UNC79: variants seen among roughly 807,000 people sequenced by gnomAD.
UNC79 encodes protein unc-79 homolog.
A neutral mutation model predicts 283.1 loss-of-function variants in UNC79; 37 were observed. The ratio of observed to expected loss-of-function variants is 0.13; its 90% CI spans 0.10 to 0.17. The LOEUF (loss-of-function observed/expected upper bound fraction) is 0.17. Among genes scored for constraint, UNC79 ranks in the 10% least tolerant of loss-of-function variants. The probability of loss-of-function intolerance (pLI) is 1.00; values close to 1 mark genes in which losing one functional copy is unlikely to be tolerated. For missense variants in UNC79, 2,272 were observed against 3,211.1 expected (o/e 0.71, Z 7.07); for synonymous variants, 1,107 against 1,200.2 (o/e 0.92, Z 1.61).
intron 47 of UNC79, among the ~76,000 whole-genome samples, chr14:93,698,596 G>A (rs775774170): frequency 4.3e-5 from 6 of 140,848 alleles, no homozygotes; most frequent in African/African-American, 1.0e-4. Flanking sequence ...AGCAATTCTC[G>A]TGCTTTAGTC....
intron 47 of UNC79, among the ~76,000 whole-genome samples, chr14:93,701,249 A>G (rs2075508446): frequency 6.6e-6 from 1 of 152,168 alleles, no homozygotes; most frequent in Admixed American, 6.5e-5. Context: ...GATGCTCAAT[A>G]CCTGAAAAAC....
Position 93,404,493 on chromosome 14 carries a change from A to AAAAAAAAAATATATATATAT in UNC79, c.-350-63177_-350-63176insAAAAAAAATATATATATATA. On this transcript the variant is annotated intron_variant, in intron 1 of 49. Transcript: ENST00000256339. ...TGACAGAGTGAGACCTTCTAAAAAA[A>AAAAAAAAAATATATATATAT]ATATATATATATATATATATAAATA... Among the ~76,000 whole-genome samples the AAAAAAAAAATATATATATAT allele has an allele frequency of 4.9e-4, 30 of 61,482 alleles. 1 individual carries two copies. The highest frequency in any genetic ancestry group is 4.4e-3 in the East Asian group (16 of 3,600). 40.3% of individuals were successfully genotyped at this position (61,482 alleles called of 152,430 possible).
chr14:93,641,176 A>G (rs776999617), exon 33 of UNC79: 2 of 1,613,494 alleles, frequency 1.2e-6, no homozygotes, highest in African/African-American at 1.3e-5. Context: ...TATCAGCACC[A>G]AGCATAGTCA....
chr14:93,522,391 A>G (rs1261201210), intron 7 of UNC79, among the ~76,000 whole-genome samples: 2 of 152,058 alleles, frequency 1.3e-5, no homozygotes, highest in Non-Finnish European at 2.9e-5. Flanking sequence ...CACAGTGATA[A>G]GAAGGATCCT....
At chr14:93,625,465 C>T (rs183249844) in intron 30 of UNC79, among the ~76,000 whole-genome samples, 1 of 152,264 alleles carries the variant, frequency 6.6e-6, no homozygotes, top group Admixed American at 6.5e-5. Flanking sequence ...ACACTCCTGA[C>T]ACTTGGTTTC....
chr14:93,395,579 C>T (rs577873803), intron 1 of UNC79, among the ~76,000 whole-genome samples: 11 of 152,170 alleles, frequency 7.2e-5, no homozygotes, highest in Non-Finnish European at 8.8e-5. Context: ...GGGGAGGGCC[C>T]CCAACATTAA....
rs142662801 is a variant in UNC79 at position 93,405,314 on chromosome 14, C to G, written c.-350-62357C>G. 7.3e-3 allele frequency among the ~76,000 whole-genome samples: 1,098 copies of G among 149,678 alleles called. 12 individuals carry two copies. Among genetic ancestry groups the G allele is most frequent in the Middle Eastern group, 0.052 (15 of 290 alleles). Reference sequence around the variant, plus strand: ...AAAAAAAATCCACAAGAAGATGTAACAATTATGTTTACCCTAAATAACATA... The same window carrying G: ...AAAAAAAATCCACAAGAAGATGTAAGAATTATGTTTACCCTAAATAACATA... On this transcript the variant is annotated intron_variant, in intron 1 of 49. Coordinates refer to the UNC79 transcript ENST00000256339.
chr14:93,679,759 A>G (rs1191282127), intron 41 of UNC79, among the ~76,000 whole-genome samples: 1 of 152,260 alleles, frequency 6.6e-6, no homozygotes, highest in Admixed American at 6.5e-5. Flanking sequence ...GTAATGACAT[A>G]TAATAGATAT....
intron 30 of UNC79, among the ~76,000 whole-genome samples, chr14:93,623,792 C>G (rs2067326430): frequency 6.6e-6 from 1 of 152,158 alleles, no homozygotes; most frequent in Admixed American, 6.5e-5. Context: ...ACTCAGGAGG[C>G]TGAGGCAGGA....
At chr14:93,585,182 C>G (rs2064130132) in intron 20 of UNC79, among the ~76,000 whole-genome samples, 1 of 152,148 alleles carries the variant, frequency 6.6e-6, no homozygotes, top group South Asian at 2.1e-4. Context: ...GCAGGAGAGT[C>G]CCTCTTCTCT....
intron 18 of UNC79, 109 bp from the exon 19 acceptor site, chr14:93,580,040 T>A: frequency 1.1e-6 from 1 of 942,526 alleles, no homozygotes; most frequent in Admixed American, 2.7e-5. Context: ...TTAGTGAAAA[T>A]CATCCCCAAG....
intron 27 of UNC79, among the ~76,000 whole-genome samples, chr14:93,615,406 A>T (rs1287634616): frequency 6.6e-6 from 1 of 152,064 alleles, no homozygotes; most frequent in South Asian, 2.1e-4. Context: ...AGTCCACATT[A>T]TGCATGTCTA....
At chr14:93,401,421 G>T (rs1260016499) in intron 1 of UNC79, among the ~76,000 whole-genome samples, 1 of 152,152 alleles carries the variant, frequency 6.6e-6, no homozygotes, top group Non-Finnish European at 1.5e-5. Context: ...CTCAAAACAA[G>T]GTAAATATCA....
chr14:93,640,232 C>T (rs556100783), intron 32 of UNC79, among the ~76,000 whole-genome samples: 9 of 152,256 alleles, frequency 5.9e-5, no homozygotes, highest in African/African-American at 1.7e-4. Flanking sequence ...AGACATCAAA[C>T]CCCAAAGTTT....
chr14:93,597,641 A>G (rs2065168492), intron 24 of UNC79, 101 bp downstream of exon 24: 7 of 1,258,008 alleles, frequency 5.6e-6, no homozygotes, highest in Non-Finnish European at 7.5e-6. Flanking sequence ...ACCTGCTATA[A>G]CAGAATACCA....
chr14:93,673,205 T>G, intron 40 of UNC79, 146 bp from the exon 44 acceptor site: 1 of 650,478 alleles, frequency 1.5e-6, no homozygotes, highest in Non-Finnish European at 2.5e-6. Context: ...TTGTTCTAAT[T>G]TTATTTCTTG....
At chr14:93,578,097 G>T in intron 18 of UNC79, 34 bp downstream of exon 18, 1 of 1,595,696 alleles carries the variant, frequency 6.3e-7, no homozygotes, top group Non-Finnish European at 8.6e-7. Context: ...TAGTTCAGAG[G>T]TGAAGAATGA....
At chr14:93,581,375 G>A (rs1183040934) in intron 19 of UNC79, among the ~76,000 whole-genome samples, 2 of 149,184 alleles carry the variant, frequency 1.3e-5, no homozygotes, top group Admixed American at 6.7e-5. Context: ...GTCTCACTAT[G>A]TTGCCCAGGC....
chr14:93,702,039 G>T (rs557760932), intron 47 of UNC79, among the ~76,000 whole-genome samples: 3 of 152,166 alleles, frequency 2.0e-5, no homozygotes, highest in Non-Finnish European at 4.4e-5. Context: ...ATCAAGAGGC[G>T]TATGGGCCCA....
Sources: allele counts gnomAD v4.1 joint callset (sites outside exome capture counted in the v4.1 genomes callset), GRCh38; gene constraint gnomAD v4.1.1; transcripts MANE v1.5; gene names NCBI Gene and HGNC (gene_info 2026-07-23, HGNC 2026-07-21).